LRP1B: variants seen among roughly 807,000 people sequenced by gnomAD.
The protein encoded by LRP1B is LDL receptor related protein 1B.
In LRP1B, 217 loss-of-function variants were observed where a neutral mutation model predicts 556.6. The ratio of observed to expected loss-of-function variants is 0.39; its 90% CI spans 0.35 to 0.44. LRP1B has a LOEUF of 0.44. LRP1B is among the 20% of genes least tolerant of loss of function. LRP1B has a pLI of 1.00. For missense variants in LRP1B, 5,053 were observed against 5,620.8 expected (o/e 0.90, Z 3.23); for synonymous variants, 2,047 against 1,865.8 (o/e 1.10, Z -2.50).
chr2:141,960,203 G>A (rs1701362185), intron 1 of LRP1B, among the ~76,000 whole-genome samples: 1 of 150,288 alleles, frequency 6.7e-6, no homozygotes, highest in Admixed American at 6.6e-5. Flanking sequence ...ATTTGGATAA[G>A]ATGAAGACAT....
intron 60 of LRP1B, among the ~76,000 whole-genome samples, chr2:140,472,869 G>C (rs140812808): frequency 6.6e-6 from 1 of 152,062 alleles, no homozygotes; most frequent in Non-Finnish European, 1.5e-5. Flanking sequence ...AAATTACTTT[G>C]TCATGACTGG....
At chr2:141,960,931 T>C (rs1701385795) in intron 1 of LRP1B, among the ~76,000 whole-genome samples, 1 of 151,812 alleles carries the variant, frequency 6.6e-6, no homozygotes, top group Non-Finnish European at 1.5e-5. Context: ...AATAGATCTT[T>C]TAACAATAAC....
chr2:142,101,648 G>T (rs1706572584), intron 1 of LRP1B, among the ~76,000 whole-genome samples: 1 of 151,824 alleles, frequency 6.6e-6, no homozygotes, highest in Non-Finnish European at 1.5e-5. Flanking sequence ...GTTTCTTCTA[G>T]AATTACCTTT....
chr2:141,669,543 C>T (rs1690581791), intron 2 of LRP1B, among the ~76,000 whole-genome samples: 1 of 152,060 alleles, frequency 6.6e-6, no homozygotes, highest in South Asian at 2.1e-4. Flanking sequence ...GTCTTCGGTG[C>T]ACTCTATTTC....
intron 2 of LRP1B, among the ~76,000 whole-genome samples, chr2:141,797,318 ACAAAGAGAGGAAAAGATTGCTGT>A (rs1193071913): frequency 6.6e-6 from 1 of 151,516 alleles, no homozygotes; most frequent in Non-Finnish European, 1.5e-5. Flanking sequence ...GGATGGAGAC[ACAAAGAGAGGAAAAGATTGCTGT>A]CCTTAAGGAT....
chr2:140,322,939 T>G (rs1346513814), intron 81 of LRP1B, among the ~76,000 whole-genome samples: 1 of 152,006 alleles, frequency 6.6e-6, no homozygotes, highest in Non-Finnish European at 1.5e-5. Context: ...TGAGAGAAAC[T>G]GTCCTCATAT....
In LRP1B at chr2:141,695,087, A is replaced by C. The variant is rs142290780; in HGVS notation, c.205+115192T>G. 2.9e-3 allele frequency among the ~76,000 whole-genome samples: 446 copies of C among 152,072 alleles called. 7 individuals carry two copies. The highest frequency in any genetic ancestry group is 0.018 in the South Asian group (85 of 4,822). On this transcript the variant is annotated intron_variant, in intron 2 of 90. Coordinates refer to ENST00000389484, the MANE Select transcript of LRP1B (RefSeq NM_018557.3). ...ATGATTGTTCACATTGAACTTTTTA[A>C]TTTGCACCATGCAGACTATCCCTCT...
chr2:141,723,509 A>T (rs1692918461), intron 2 of LRP1B, among the ~76,000 whole-genome samples: 1 of 151,814 alleles, frequency 6.6e-6, no homozygotes, highest in African/African-American at 2.4e-5. Context: ...ATATATAAAT[A>T]TTGTTACAAC....
intron 4 of LRP1B, among the ~76,000 whole-genome samples, chr2:141,248,761 T>C (rs1018329564): frequency 2.0e-5 from 3 of 152,192 alleles, no homozygotes; most frequent in Non-Finnish European, 2.9e-5. Flanking sequence ...CTTTGCATTT[T>C]AAAACTAAAA....
intron 3 of LRP1B, among the ~76,000 whole-genome samples, chr2:141,300,870 T>A (rs553162952): frequency 6.6e-6 from 1 of 152,286 alleles, no homozygotes; most frequent in East Asian, 1.9e-4. Context: ...TATAGCAGTG[T>A]TGTTTCTTTA....
At chr2:141,895,855 C>T (rs912529679) in intron 1 of LRP1B, among the ~76,000 whole-genome samples, 1 of 152,108 alleles carries the variant, frequency 6.6e-6, no homozygotes, top group Non-Finnish European at 1.5e-5. Flanking sequence ...GCCCTGTGCC[C>T]TCCAACCTCT....
In LRP1B at chr2:140,460,456, C is replaced by T. The variant is rs74401762; in HGVS notation, c.9626-2805G>A. On this transcript the variant is annotated intron_variant, in intron 60 of 90. Transcript: ENST00000389484. The stretch of plus-strand genomic sequence containing the variant: ...AAACCCTTAATTAATGCTGAGATGT[C>T]GTTAAATTTAGGGGAAAAGTAGTCA... 3.5e-3 allele frequency among the ~76,000 whole-genome samples: 531 copies of T among 152,064 alleles called. 7 individuals carry two copies. Among genetic ancestry groups the T allele is most frequent in the African/African-American group, 0.012 (492 of 41,490 alleles).
chr2:140,978,909 C>T (rs1696683773), intron 18 of LRP1B, among the ~76,000 whole-genome samples: 1 of 152,168 alleles, frequency 6.6e-6, no homozygotes. Flanking sequence ...TGTCTAGCTG[C>T]TAAATCATTA....
intron 1 of LRP1B, among the ~76,000 whole-genome samples, chr2:142,120,458 C>A (rs1051881049): frequency 6.6e-6 from 1 of 152,050 alleles, no homozygotes; most frequent in African/African-American, 2.4e-5. Context: ...ATGAATACAG[C>A]CAATAATAGC....
intron 2 of LRP1B, among the ~76,000 whole-genome samples, chr2:141,596,867 T>A (rs1687543177): frequency 6.6e-6 from 1 of 152,010 alleles, no homozygotes; most frequent in South Asian, 2.1e-4. Flanking sequence ...ACTTAATCCA[T>A]GTTTTAAATG....
At chr2:141,721,396 G>A (rs900921713) in intron 2 of LRP1B, among the ~76,000 whole-genome samples, 11 of 152,030 alleles carry the variant, frequency 7.2e-5, no homozygotes, top group African/African-American at 1.9e-4. Flanking sequence ...GGTTGAATTC[G>A]TACTATCGAC....
rs115345062 is a variant in LRP1B, at chr2:141,635,083, A to G, written c.206-154550T>C. ...ACACACACACCAAGTAAGCTTTTAG[A>G]GAAAGACTTACTCCCATTCATTCCC... On this transcript the variant is annotated intron_variant, in intron 2 of 90. Coordinates refer to ENST00000389484, the MANE Select transcript of LRP1B (RefSeq NM_018557.3). 4.2e-3 allele frequency among the ~76,000 whole-genome samples: 631 copies of G among 149,002 alleles called. 4 individuals are homozygous for G. The highest frequency in any genetic ancestry group is 0.015 in the African/African-American group (593 of 40,660).
At chr2:141,414,024 T>TGGG (rs1334629861) in intron 3 of LRP1B, among the ~76,000 whole-genome samples, 2 of 151,446 alleles carry the variant, frequency 1.3e-5, no homozygotes, top group African/African-American at 4.9e-5. Context: ...AGGTCAGAGG[T>TGGG]CAGGAGATGG....
At chr2:141,354,458 G>A (rs1445830534) in intron 3 of LRP1B, among the ~76,000 whole-genome samples, 1 of 152,028 alleles carries the variant, frequency 6.6e-6, no homozygotes, top group East Asian at 1.9e-4. Context: ...TGCAAAGAAT[G>A]AAGAGTAAAA....
Sources: allele counts gnomAD v4.1 joint callset (sites outside exome capture counted in the v4.1 genomes callset), GRCh38; gene constraint gnomAD v4.1.1; transcripts MANE v1.5; gene names NCBI Gene and HGNC (gene_info 2026-07-23, HGNC 2026-07-21).